The following USP34 variants were observed in gnomAD, a reference collection of about 807,000 sequenced individuals.
USP34 encodes ubiquitin specific peptidase 34, also known as ubiquitin carboxyl-terminal hydrolase 34.
A neutral mutation model predicts 460.3 loss-of-function variants in USP34; 70 were observed. That is an observed-to-expected ratio of 0.15 (90% CI 0.13 to 0.19). The LOEUF (loss-of-function observed/expected upper bound fraction) is 0.19. Among genes scored for constraint, USP34 ranks in the 10% least tolerant of loss-of-function variants. The pLI is 1.00. For synonymous variants in USP34, 1,647 were observed against 1,405.3 expected, an observed-to-expected ratio of 1.17 and a Z score of -3.85; for missense variants, 3,985 against 4,236.2, an observed-to-expected ratio of 0.94 and a Z score of 1.65.
intron 62 of USP34, chr2:61,226,861 G>T: frequency 1.9e-6 from 1 of 537,392 alleles, no homozygotes; most frequent in Non-Finnish European, 2.9e-6. Context: ...GTAAAAGTTT[G>T]GTAGAAAAAA....
At chr2:61,241,928 G>C (rs904145115) in intron 51 of USP34, 109 bp from the exon 52 acceptor site, 3 of 609,366 alleles carry the variant, frequency 4.9e-6, no homozygotes, top group East Asian at 3.4e-5. Context: ...TAGTAACTTT[G>C]TAAGTAGTTT....
At chr2:61,464,946 C>T (rs1358651269) in intron 1 of USP34, among the ~76,000 whole-genome samples, 2 of 151,870 alleles carry the variant, frequency 1.3e-5, no homozygotes, top group Non-Finnish European at 2.9e-5. Context: ...ACAAACTCAA[C>T]AGAACAAGCA....
intron 10 of USP34, among the ~76,000 whole-genome samples, chr2:61,367,440 T>C (rs977806746): frequency 5.3e-5 from 8 of 152,200 alleles, no homozygotes; most frequent in Non-Finnish European, 1.0e-4. Context: ...ATTACACCAC[T>C]GCGCTCCAGC....
intron 41 of USP34, among the ~76,000 whole-genome samples, chr2:61,270,594 C>T (rs980047530): frequency 6.6e-6 from 1 of 152,036 alleles, no homozygotes; most frequent in Non-Finnish European, 1.5e-5. Context: ...CACCGCCATG[C>T]CTGGCTAATT....
intron 2 of USP34, among the ~76,000 whole-genome samples, chr2:61,410,186 C>G (rs2103946227): frequency 6.6e-6 from 1 of 152,288 alleles, no homozygotes; most frequent in Middle Eastern, 3.4e-3. Flanking sequence ...AATTCTACAA[C>G]TCACCATAAT....
At chr2:61,439,230 G>C (rs1344110150) in intron 1 of USP34, among the ~76,000 whole-genome samples, 1 of 152,222 alleles carries the variant, frequency 6.6e-6, no homozygotes. Flanking sequence ...TGGGTAACAG[G>C]GCAAAACCGT....
chr2:61,385,137 T>G (rs1371484987), intron 5 of USP34, among the ~76,000 whole-genome samples: 1 of 152,104 alleles, frequency 6.6e-6, no homozygotes, highest in African/African-American at 2.4e-5. Context: ...AACGATTCCC[T>G]TAAGAACAGT....
chr2:61,347,781 T>C, intron 15 of USP34, 89 bp downstream of exon 15: 1 of 1,540,740 alleles, frequency 6.5e-7, no homozygotes, highest in Non-Finnish European at 8.7e-7. Context: ...TGAATAGCAC[T>C]AATACAGAAT....
At chr2:61,395,492 T>TA (rs1283554384) in intron 3 of USP34, among the ~76,000 whole-genome samples, 6 of 152,118 alleles carry the variant, frequency 3.9e-5, no homozygotes, top group South Asian at 2.1e-4. Context: ...AATCTTGCCT[T>TA]AAAAAAATCA....
chr2:61,322,421 C>T (rs1027921890), intron 21 of USP34, among the ~76,000 whole-genome samples: 6 of 152,044 alleles, frequency 3.9e-5, no homozygotes, highest in African/African-American at 1.2e-4. Context: ...AGAAGACAGA[C>T]GAACTATTCA....
At chr2:61,457,233 G>A (rs915903015) in intron 1 of USP34, among the ~76,000 whole-genome samples, 4 of 152,154 alleles carry the variant, frequency 2.6e-5, no homozygotes, top group African/African-American at 4.8e-5. Context: ...CCGTGATCGT[G>A]CCACTGCACT....
At chr2:61,391,046 G>A (rs545169951) in intron 5 of USP34, among the ~76,000 whole-genome samples, 3 of 151,656 alleles carry the variant, frequency 2.0e-5, no homozygotes, top group South Asian at 4.2e-4. Flanking sequence ...GGTGAGCAGG[G>A]ATCATACCAC....
At chr2:61,436,040 T>C (rs899102534) in intron 1 of USP34, among the ~76,000 whole-genome samples, 1 of 151,548 alleles carries the variant, frequency 6.6e-6, no homozygotes, top group Non-Finnish European at 1.5e-5. Flanking sequence ...AAAATATATA[T>C]AAAAAATAGA....
intron 1 of USP34, among the ~76,000 whole-genome samples, chr2:61,448,673 G>A (rs1448413725): frequency 3.3e-5 from 5 of 152,002 alleles, no homozygotes; most frequent in Non-Finnish European, 7.4e-5. Context: ...AAAGTCCTAA[G>A]GGATCCACTA....
chr2:61,465,276 T>C (rs983521818), intron 1 of USP34, among the ~76,000 whole-genome samples: 2 of 152,168 alleles, frequency 1.3e-5, no homozygotes, highest in Non-Finnish European at 2.9e-5. Context: ...CCTCAACCTG[T>C]AAGCACAATT....
intron 20 of USP34, among the ~76,000 whole-genome samples, chr2:61,325,949 T>A (rs1011970631): frequency 1.3e-5 from 2 of 152,218 alleles, no homozygotes; most frequent in Admixed American, 6.5e-5. Context: ...TTATTTCCAA[T>A]CTAAATAATT....
intron 20 of USP34, among the ~76,000 whole-genome samples, chr2:61,329,051 C>T (rs895239080): frequency 7.9e-5 from 12 of 152,180 alleles, no homozygotes; most frequent in African/African-American, 2.9e-4. Flanking sequence ...GACGGAGTTT[C>T]ACTCTTGTTG....
intron 43 of USP34, among the ~76,000 whole-genome samples, chr2:61,265,073 G>A (rs1442414354): frequency 1.3e-5 from 2 of 152,110 alleles, no homozygotes; most frequent in Non-Finnish European, 2.9e-5. Context: ...ATAAAAATAT[G>A]TATTTATTTA....
At chr2:61,463,989 A>G (rs568672902) in intron 1 of USP34, among the ~76,000 whole-genome samples, 2 of 152,212 alleles carry the variant, frequency 1.3e-5, no homozygotes, top group Admixed American at 6.5e-5. Flanking sequence ...GAACTGATTA[A>G]ATCAGCAGCA....
Sources: gnomAD v4.1 joint callset for allele counts (sites outside exome capture counted in the v4.1 genomes callset) on GRCh38, gnomAD v4.1.1 for gene constraint, MANE v1.5 for transcripts, NCBI Gene and HGNC (gene_info 2026-07-23, HGNC 2026-07-21) for gene names.